PHLDB2: variants seen among roughly 807,000 people sequenced by gnomAD.
PHLDB2 encodes the protein pleckstrin homology like domain family B member 2.
In PHLDB2, 71 loss-of-function variants were observed where a neutral mutation model predicts 123.6. The ratio of observed to expected loss-of-function variants is 0.57; its 90% CI spans 0.47 to 0.70. PHLDB2 has a LOEUF of 0.70. Among genes scored for constraint, PHLDB2 ranks in the 30% least tolerant of loss-of-function variants. The probability of loss-of-function intolerance (pLI) is 0.00; values close to 1 mark genes in which losing one functional copy is unlikely to be tolerated. For synonymous variants in PHLDB2, 547 were observed against 541.6 expected (o/e 1.01, Z -0.14); for missense variants, 1,446 against 1,519.5 (o/e 0.95, Z 0.80).
chr3:111,915,352 A>G (rs2068112484), intron 3 of PHLDB2: 1 of 152,194 alleles, frequency 6.6e-6, no homozygotes, highest in Admixed American at 6.5e-5. Flanking sequence ...ATCATTATCT[A>G]CCTAGTGAGT....
intron 1 of PHLDB2, among the ~76,000 whole-genome samples, chr3:111,806,033 AAC>A (rs200176699): frequency 0.045 from 6,003 of 134,308 alleles, 371 homozygotes; most frequent in East Asian, 0.28. Context: ...TACATAAAAA[AAC>A]AGGTCAAAAT....
intron 1 of PHLDB2, among the ~76,000 whole-genome samples, chr3:111,813,941 T>C (rs1386520735): frequency 6.6e-6 from 1 of 152,230 alleles, no homozygotes; most frequent in Non-Finnish European, 1.5e-5. Flanking sequence ...AAGGGGCTTC[T>C]TTTTATTCTA....
At chr3:111,804,164 T>C (rs1332056791) in intron 1 of PHLDB2, among the ~76,000 whole-genome samples, 3 of 152,254 alleles carry the variant, frequency 2.0e-5, no homozygotes, top group Non-Finnish European at 4.4e-5. Flanking sequence ...CTGTGCTTTA[T>C]ACATTAAAAT....
chr3:111,743,697 G>C (rs1046516265), intron 1 of PHLDB2, among the ~76,000 whole-genome samples: 3 of 152,118 alleles, frequency 2.0e-5, no homozygotes, highest in African/African-American at 4.8e-5. Context: ...AAGTCAGAAG[G>C]GTCAGCTTAG....
chr3:111,938,450 TATATG>T (rs1284712635), intron 6 of PHLDB2, among the ~76,000 whole-genome samples: 3 of 152,086 alleles, frequency 2.0e-5, no homozygotes, highest in Non-Finnish European at 4.4e-5. Context: ...CCTTTGTAGA[TATATG>T]ATATATAATC....
intron 8 of PHLDB2, among the ~76,000 whole-genome samples, chr3:111,941,809 A>AAAAAAAAACAAAAC (rs111829861): frequency 4.0e-5 from 6 of 150,734 alleles, no homozygotes; most frequent in South Asian, 2.1e-4. Flanking sequence ...CCTGTCTCAA[A>AAAAAAAAACAAAAC]AAAACAAAAC....
intron 2 of PHLDB2, among the ~76,000 whole-genome samples, chr3:111,851,368 C>A (rs1264837892): frequency 6.6e-6 from 1 of 152,114 alleles, no homozygotes; most frequent in Admixed American, 6.5e-5. Flanking sequence ...TCTAGTCCAT[C>A]AGTGACCCAA....
chr3:111,947,834 C>A (rs1246574068), intron 9 of PHLDB2, among the ~76,000 whole-genome samples: 1 of 152,156 alleles, frequency 6.6e-6, no homozygotes, highest in Non-Finnish European at 1.5e-5. Context: ...TTGTTATCAA[C>A]CCTTTCAAGG....
At chr3:111,879,268 G>A (rs368972277) in intron 1 of PHLDB2, among the ~76,000 whole-genome samples, 1 of 152,080 alleles carries the variant, frequency 6.6e-6, no homozygotes, top group Admixed American at 6.6e-5. Flanking sequence ...CCTCTTCTTG[G>A]TTTAGTCTTA....
chr3:111,875,351 T>C (rs1026192574), intron 1 of PHLDB2, among the ~76,000 whole-genome samples: 10 of 151,710 alleles, frequency 6.6e-5, no homozygotes, highest in African/African-American at 2.4e-4. Flanking sequence ...AGTTTCTCCA[T>C]GTTGGTCAGG....
intron 2 of PHLDB2, among the ~76,000 whole-genome samples, chr3:111,887,023 A>G (rs1462821596): frequency 6.6e-6 from 1 of 152,226 alleles, no homozygotes; most frequent in African/African-American, 2.4e-5. Context: ...AATGGCTTCC[A>G]TTACTCCGGA....
intron 2 of PHLDB2, among the ~76,000 whole-genome samples, chr3:111,853,555 G>T (rs1443263460): frequency 6.6e-6 from 1 of 152,082 alleles, no homozygotes; most frequent in Non-Finnish European, 1.5e-5. Flanking sequence ...GCAAGGAATG[G>T]TACCTACATT....
chr3:111,792,644 C>T (rs1161326458), intron 1 of PHLDB2, among the ~76,000 whole-genome samples: 1 of 152,042 alleles, frequency 6.6e-6, no homozygotes, highest in South Asian at 2.1e-4. Flanking sequence ...GAATTTGAAG[C>T]TTTAGTGAGC....
rs745961915 is a variant in PHLDB2 at position 111,885,271 on chromosome 3, C to T, written c.1194C>T (p.Leu398=). 1.2e-6 allele frequency: 2 copies of T among 1,614,196 alleles called. No individual in the cohort carries two copies. The highest frequency in any genetic ancestry group is 2.2e-5 in the East Asian group (1 of 44,878). Residue 398 remains leucine, a synonymous_variant, in exon 2 of 18, where the codon CTC becomes CTT. Transcript: ENST00000431670. ...TTGATGAGGCAGATTTGGAAAGCCTCAGACAGGCCTCAGGAACCCCCCAGC... is the reference window on the plus strand; with the variant it reads ...TTGATGAGGCAGATTTGGAAAGCCTTAGACAGGCCTCAGGAACCCCCCAGC... ...VEFDEADLES[L]RQASGTPQPA...
At chr3:111,813,561 C>T (rs559517366) in intron 1 of PHLDB2, among the ~76,000 whole-genome samples, 4 of 152,038 alleles carry the variant, frequency 2.6e-5, no homozygotes, top group African/African-American at 7.2e-5. Context: ...TCTAAAACAG[C>T]GTGTTACACA....
intron 2 of PHLDB2, 150 bp from the exon 3 acceptor site, chr3:111,913,169 C>A (rs1322149977): frequency 3.2e-6 from 3 of 947,760 alleles, no homozygotes; most frequent in Non-Finnish European, 4.7e-6. Context: ...ATGCATCCGT[C>A]AAAGATTATG....
chr3:111,756,870 C>T (rs895811116), intron 1 of PHLDB2, among the ~76,000 whole-genome samples: 3 of 151,986 alleles, frequency 2.0e-5, no homozygotes, highest in African/African-American at 4.8e-5. Flanking sequence ...TCAGCATTTG[C>T]TTGTCTGTAA....
At chr3:111,802,429 G>T (rs2061412570) in intron 1 of PHLDB2, among the ~76,000 whole-genome samples, 1 of 152,194 alleles carries the variant, frequency 6.6e-6, no homozygotes, top group Non-Finnish European at 1.5e-5. Context: ...GGTCTTGGTT[G>T]AGAAACCAAA....
intron 8 of PHLDB2, among the ~76,000 whole-genome samples, chr3:111,941,287 G>T (rs1017640950): frequency 6.6e-6 from 1 of 152,088 alleles, no homozygotes; most frequent in Non-Finnish European, 1.5e-5. Context: ...ACATGACCCC[G>T]GTATCATTTC....
Sources: allele counts gnomAD v4.1 joint callset (sites outside exome capture counted in the v4.1 genomes callset), GRCh38; gene constraint gnomAD v4.1.1; transcripts MANE v1.5; gene names NCBI Gene and HGNC (gene_info 2026-07-23, HGNC 2026-07-21).